Variants in CDH26 observed in about 807,000 individuals in gnomAD.
The protein encoded by CDH26 is cadherin 26.
In CDH26, 83 loss-of-function variants were observed where a neutral mutation model predicts 90.3. The ratio of observed to expected loss-of-function variants is 0.92; its 90% confidence interval spans 0.77 to 1.10. CDH26 has a LOEUF of 1.10. Ranked by LOEUF, CDH26 falls within the 50% of genes least tolerant of loss-of-function variation. The pLI is 0.00. For missense variants in CDH26, 1,013 were observed against 1,037.6 expected (o/e 0.98, Z 0.33); for synonymous variants, 397 against 396.3 (o/e 1.00, Z -0.02).
intron 7 of CDH26, among the ~76,000 whole-genome samples, chr20:59,986,703 G>A (rs2061463483): frequency 6.6e-6 from 1 of 150,442 alleles, no homozygotes; most frequent in South Asian, 2.1e-4. Flanking sequence ...TGCCTGTCTT[G>A]TTCATGGCAT....
intron 4 of CDH26, among the ~76,000 whole-genome samples, chr20:59,980,803 A>G (rs1176942550): frequency 1.3e-5 from 2 of 152,090 alleles, no homozygotes; most frequent in Non-Finnish European, 2.9e-5. Context: ...TCTCTTCTGG[A>G]TCATGTTTTT....
intron 5 of CDH26, 99 bp from the exon 6 acceptor site, chr20:59,984,540 G>A: frequency 1.2e-6 from 1 of 827,716 alleles, no homozygotes; most frequent in African/African-American, 1.7e-5. Flanking sequence ...CACTCATTTT[G>A]GTATATGCCC....
chr20:60,018,702 C>CTTTTTTTTTTTTT (rs55994712), downstream of CDH26, among the ~76,000 whole-genome samples: 32 of 17,816 alleles, frequency 1.8e-3, 3 homozygotes, highest in Non-Finnish European at 2.3e-3. Context: ...CTCTTACTGC[C>CTTTTTTTTTTTTT]TTTTTTTTTT....
chr20:59,993,603 T>C (rs1178896691), intron 10 of CDH26, among the ~76,000 whole-genome samples: 1 of 152,278 alleles, frequency 6.6e-6, no homozygotes, highest in Admixed American at 6.5e-5. Flanking sequence ...TCATTCTTTT[T>C]TATGGCTGAG....
downstream of CDH26, among the ~76,000 whole-genome samples, chr20:60,016,181 G>T (rs1481049026): frequency 6.6e-6 from 1 of 152,062 alleles, no homozygotes; most frequent in Non-Finnish European, 1.5e-5. Flanking sequence ...TTTTGATAGG[G>T]ATTGCATTGA....
chr20:59,987,459 G>T lies in CDH26; in HGVS notation c.844G>T (p.Val282Phe), dbSNP rs778770877. 1 of 1,609,680 alleles carries T rather than the reference G, an allele frequency of 6.2e-7. No homozygotes were observed. Among genetic ancestry groups the T allele is most frequent in the Admixed American group, 1.7e-5 (1 of 59,258 alleles). ...TGATGATTGCTTCTTTCAGTATAAG[G>T]TTCAGATTCCTGAAGGCCGAGCCAG... is the stretch of plus-strand genomic sequence containing the variant. ...RPAFTQENYK[V>F]QIPEGRASQG... Residue 282 changes from valine to phenylalanine, a missense_variant, in exon 8 of 18, where the codon GTT (valine) becomes TTT (phenylalanine). Transcript: ENST00000348616.
intron 16 of CDH26, among the ~76,000 whole-genome samples, chr20:60,003,188 G>A (rs1056426086): frequency 6.6e-6 from 1 of 152,040 alleles, no homozygotes; most frequent in African/African-American, 2.4e-5. Flanking sequence ...GAGCTAAGGG[G>A]GTCTTAGACA....
chr20:60,030,988 T>C lies in CDH26; in HGVS notation c.948-243T>C, dbSNP rs1488623027. On this transcript the variant is annotated intron_variant, in intron 7 of 8. Coordinates refer to the CDH26 transcript ENST00000370991. This position sits in a 1 kb window ranked among gnomAD's most constrained non-coding sequence, Gnocchi z 4.0. ...AAGGAATAAAAGAATGGCTACTCCA[T>C]AGACAAAGCAGCCTCGAGGGCTGCT... Among the ~76,000 whole-genome samples the C allele has an allele frequency of 6.6e-6, 1 of 152,238 alleles. No individual in the cohort carries two copies. The highest frequency in any genetic ancestry group is 1.9e-4 in the East Asian group (1 of 5,196).
intron 1 of CDH26, among the ~76,000 whole-genome samples, chr20:59,967,880 C>CTCTCTCTCTCTCTCTCTCTTTCTTT (rs1195650307): frequency 1.3e-5 from 1 of 74,922 alleles, no homozygotes; most frequent in African/African-American, 8.6e-5. Context: ...TTTCTTTCTT[C>CTCTCTCTCTCTCTCTCTCTTTCTTT]CTTCCTTCCT....
intron 4 of CDH26, among the ~76,000 whole-genome samples, chr20:59,982,309 T>C (rs999329454): frequency 6.6e-6 from 1 of 152,216 alleles, no homozygotes; most frequent in Non-Finnish European, 1.5e-5. Context: ...TTGCTTTCTG[T>C]TTGTTTGGAT....
At chr20:60,003,877 G>A (rs1483956752) in intron 16 of CDH26, among the ~76,000 whole-genome samples, 1 of 152,132 alleles carries the variant, frequency 6.6e-6, no homozygotes, top group East Asian at 1.9e-4. Context: ...ACATAGTGTG[G>A]GGTTAGGACC....
chr20:59,990,845 C>T (rs1364475141), intron 9 of CDH26, among the ~76,000 whole-genome samples: 2 of 151,602 alleles, frequency 1.3e-5, no homozygotes, highest in Non-Finnish European at 2.9e-5. Context: ...ATTGCTGGGC[C>T]CCACCCCTAC....
chr20:59,996,341 A>G (rs565366379), intron 12 of CDH26: 200 of 1,443,616 alleles, frequency 1.4e-4, no homozygotes, highest in Non-Finnish European at 1.7e-4. Flanking sequence ...ACAGCAATGT[A>G]CAGATATTCA....
At chr20:60,023,989 A>G (rs1373533570) in intron 7 of CDH26, among the ~76,000 whole-genome samples, 1 of 139,734 alleles carries the variant, frequency 7.2e-6, no homozygotes, top group Non-Finnish European at 1.6e-5. Context: ...GAGAGAGAGA[A>G]ATATCAGCAG....
rs2061951852 is a variant in CDH26, at chr20:60,021,620, G to A, written c.948-9611G>A. ...TGGGTAACTTATTTAGCTTACTACTGGCTACAAAATGTCAGCAGTTTTGCT... is the reference window on the plus strand; with the variant it reads ...TGGGTAACTTATTTAGCTTACTACTAGCTACAAAATGTCAGCAGTTTTGCT... On this transcript the variant is annotated intron_variant, in intron 7 of 8. Transcript: ENST00000370991. 1.3e-5 allele frequency among the ~76,000 whole-genome samples: 2 copies of A among 151,720 alleles called. 1 individual carries two copies. The highest frequency in any genetic ancestry group is 4.2e-4 in the South Asian group (2 of 4,802).
chr20:59,961,679 C>A (rs898762121), intron 1 of CDH26, among the ~76,000 whole-genome samples: 1 of 152,176 alleles, frequency 6.6e-6, no homozygotes, highest in Non-Finnish European at 1.5e-5. Flanking sequence ...AATCCCCACA[C>A]CCTTTCTTTG....
At chr20:59,968,235 T>A (rs1013464621) in intron 1 of CDH26, among the ~76,000 whole-genome samples, 6 of 151,690 alleles carry the variant, frequency 4.0e-5, no homozygotes, top group African/African-American at 1.5e-4. Context: ...GTAACTGGGA[T>A]TACAGGCGCG....
At chr20:59,999,539 A>C (rs1380916429) in intron 13 of CDH26, 47 bp from the exon 14 acceptor site, 1 of 1,466,670 alleles carries the variant, frequency 6.8e-7, no homozygotes, top group Non-Finnish European at 9.5e-7. Flanking sequence ...TATTTCTGCT[A>C]TCTGTGATTT....
At position 59,977,710 on chromosome 20, in the gene CDH26, A is replaced by G. The variant is rs543500068; in HGVS notation, c.394-5213A>G. On this transcript the variant is annotated intron_variant, in intron 4 of 17. Coordinates refer to ENST00000348616, the MANE Select transcript of CDH26 (RefSeq NM_177980.4). ...GATTCCCCTATTATGAACATTTTGC[A>G]GTAGTGTGTGCATTTGCTATAATGT... Among the ~76,000 whole-genome samples, 5 of 138,422 alleles carry G rather than the reference A, an allele frequency of 3.6e-5. No homozygotes were observed. The South Asian group carries it at 1.1e-3, about 31-fold the overall frequency. The allele number at this position is 138,422 out of a possible 152,430, so 90.8% of individuals were successfully genotyped here. A position where few individuals can be genotyped will look rare whatever the true frequency, so the allele number is the denominator to read the frequency against.
Sources: gnomAD v4.1 joint callset for allele counts (sites outside exome capture counted in the v4.1 genomes callset) on GRCh38, gnomAD v4.1.1 for gene constraint, Gnocchi (gnomAD v3.1) non-coding constraint, MANE v1.5 for transcripts, NCBI Gene and HGNC (gene_info 2026-07-23, HGNC 2026-07-21) for gene names.